Variants in INTS7 observed in about 807,000 individuals in gnomAD.
INTS7 encodes the protein integrator complex subunit 7.
A neutral mutation model predicts 109.2 loss-of-function variants in INTS7; 46 were observed. The observed-to-expected ratio is 0.42, with a 90% CI of 0.33 to 0.54. The LOEUF is 0.54. Ranked by LOEUF, INTS7 falls within the 20% of genes least tolerant of loss-of-function variation. The pLI is 0.07. For synonymous variants in INTS7, 412 were observed against 402.9 expected, an observed-to-expected ratio of 1.02 and a Z score of -0.27; for missense variants, 929 against 1,132.4, an observed-to-expected ratio of 0.82 and a Z score of 2.58.
intron 1 of INTS7, among the ~76,000 whole-genome samples, chr1:212,030,192 A>C (rs1027269063): frequency 1.3e-5 from 2 of 152,212 alleles, no homozygotes; most frequent in African/African-American, 4.8e-5. Context: ...TTTTTGGATT[A>C]GTTCATAGCC....
chr1:211,944,408 G>A lies in INTS7; in HGVS notation c.2601+376C>T, dbSNP rs112307302. Among the ~76,000 whole-genome samples the A allele has an allele frequency of 6.5e-3, 990 of 152,258 alleles. 7 individuals are homozygous for A. The highest frequency in any genetic ancestry group is 0.023 in the African/African-American group (945 of 41,538). The stretch of plus-strand genomic sequence containing the variant: ...TGCTTTGGGCACCTGAGTCCTCTGT[G>A]CCCTGCCATAAATTTTATAGGGGCA... On this transcript the variant is annotated intron_variant, in intron 19 of 19. Coordinates refer to ENST00000366994, the MANE Select transcript of INTS7 (RefSeq NM_015434.4).
At chr1:212,032,319 G>C (rs574935636) in intron 1 of INTS7, among the ~76,000 whole-genome samples, 291 of 152,148 alleles carry the variant, frequency 1.9e-3, no homozygotes, top group African/African-American at 6.5e-3. Flanking sequence ...CCCCACTTCA[G>C]TCTATTCTCA....
rs1250121597 is a variant in INTS7 at position 212,032,279 on chromosome 1, A to C, written c.94+3065T>G. Among the ~76,000 whole-genome samples the C allele has an allele frequency of 2.6e-5, 4 of 152,196 alleles. No individual in the cohort carries two copies. The East Asian group carries it at 7.7e-4, about 29-fold the overall frequency. On this transcript the variant is annotated intron_variant, in intron 1 of 19. Coordinates refer to ENST00000366994, the MANE Select transcript of INTS7 (RefSeq NM_015434.4). ...CCTGGATTGTTATAGTTGCCTTCTC[A>C]TTGGTCTCCCTACTTGGGTCCCTGA...
rs1193168800 is a variant in INTS7 at position 211,976,480 on chromosome 1, C to T, written c.1608+102G>A. The T allele has an allele frequency of 8.5e-6, 9 of 1,062,620 alleles. No individual in the cohort carries two copies. The South Asian group carries it at 1.6e-4, about 19-fold the overall frequency. The allele number at this position is 1,062,620 out of a possible 1,614,324, so 65.8% of individuals were successfully genotyped here. A position where few individuals can be genotyped will look rare whatever the true frequency, so the allele number is the denominator to read the frequency against. On this transcript the variant is annotated intron_variant, in intron 12 of 19. Coordinates refer to ENST00000366994, the MANE Select transcript of INTS7 (RefSeq NM_015434.4). ...AGAACCCATGACTAAAAGGTACTTCCATCTTTATTTTTAGTTTTGACTACA... is the reference window on the plus strand; with the variant it reads ...AGAACCCATGACTAAAAGGTACTTCTATCTTTATTTTTAGTTTTGACTACA...
intron 16 of INTS7, among the ~76,000 whole-genome samples, chr1:211,960,740 G>C (rs555579496): frequency 1.3e-5 from 2 of 152,172 alleles, no homozygotes; most frequent in African/African-American, 2.4e-5. Context: ...CTGAATAAGA[G>C]AGTAAGACAA....
intron 1 of INTS7, among the ~76,000 whole-genome samples, chr1:212,034,653 A>G (rs1380313032): frequency 6.6e-6 from 1 of 152,238 alleles, no homozygotes; most frequent in Non-Finnish European, 1.5e-5. Context: ...CTTCTTTTGC[A>G]TACCATTAAG....
Position 211,940,555 on chromosome 1 carries a change from T to A in INTS7, c.*1269A>T, listed in dbSNP as rs1662585126. 6.6e-6 allele frequency: 1 copy of A among 152,216 alleles called. No homozygotes were observed. The allele number at this position is 152,216 out of a possible 1,614,324, so 9.4% of individuals were successfully genotyped here. On this transcript the variant is annotated 3_prime_UTR_variant, in exon 20 of 20. Transcript: ENST00000366994. Reference sequence around the variant, plus strand: ...GAAATCGTGATCCTGAAGCCCTAAATGATCCCCAATCAAAAAGCAGTTAAG... The same window carrying A: ...GAAATCGTGATCCTGAAGCCCTAAAAGATCCCCAATCAAAAAGCAGTTAAG...
intron 16 of INTS7, among the ~76,000 whole-genome samples, chr1:211,963,828 T>C (rs1448735204): frequency 6.6e-6 from 1 of 151,732 alleles, no homozygotes; most frequent in African/African-American, 2.4e-5. Flanking sequence ...AACTAGGAAT[T>C]GAAGAAACAT....
At chr1:212,016,801 GT>G (rs1666464202) in intron 4 of INTS7, 84 bp downstream of exon 4, 11 of 1,051,434 alleles carry the variant, frequency 1.0e-5, no homozygotes, top group Non-Finnish European at 1.3e-5. Flanking sequence ...ATCTCTCAGT[GT>G]TTATATAAGT....
intron 3 of INTS7, 131 bp from the exon 4 acceptor site, chr1:212,017,154 A>G (rs1666480535): frequency 5.0e-6 from 3 of 603,790 alleles, no homozygotes. Context: ...CAGTTAATAA[A>G]GCATAACTTT....
chr1:211,956,732 T>A (rs1663377873), intron 16 of INTS7, among the ~76,000 whole-genome samples: 1 of 152,222 alleles, frequency 6.6e-6, no homozygotes, highest in African/African-American at 2.4e-5. Flanking sequence ...AGGGCACGCA[T>A]GGTTTCTGTA....
chr1:212,027,883 G>T (rs939171561), intron 1 of INTS7, among the ~76,000 whole-genome samples: 3 of 151,958 alleles, frequency 2.0e-5, no homozygotes, highest in Non-Finnish European at 4.4e-5. Flanking sequence ...CTGGAGTGCA[G>T]TGGCGCAATC....
At position 211,941,583 on chromosome 1, in the gene INTS7, TCTC is replaced by T. The variant is rs1234973535; in HGVS notation, c.*238_*240del. The T allele has an allele frequency of 5.8e-6, 3 of 518,662 alleles. No individual in the cohort carries two copies. The highest frequency in any genetic ancestry group is 3.5e-5 in the East Asian group (1 of 28,854). 32.1% of individuals were successfully genotyped at this position (518,662 alleles called of 1,614,324 possible). Reference sequence around the variant, plus strand: ...ACTGTGTTAGCCAGGATGGTCTTGATCTCCTCGTGAGCCGCCCACCTCAGCCTC... The same window carrying T: ...ACTGTGTTAGCCAGGATGGTCTTGATCTCGTGAGCCGCCCACCTCAGCCTC... On this transcript the variant is annotated 3_prime_UTR_variant, in exon 20 of 20. Coordinates refer to ENST00000366994, the MANE Select transcript of INTS7 (RefSeq NM_015434.4).
intron 5 of INTS7, among the ~76,000 whole-genome samples, chr1:212,011,114 T>A (rs992620467): frequency 6.6e-6 from 1 of 152,166 alleles, no homozygotes; most frequent in African/African-American, 2.4e-5. Context: ...TTTTTCACCA[T>A]AGCACCAGAA....
chr1:211,965,248 T>A (rs559898459), intron 16 of INTS7, among the ~76,000 whole-genome samples: 26 of 150,124 alleles, frequency 1.7e-4, no homozygotes, highest in African/African-American at 6.1e-4. Flanking sequence ...CACAATGAGA[T>A]ACCATCTCAC....
intron 16 of INTS7, among the ~76,000 whole-genome samples, chr1:211,953,047 C>A (rs927619998): frequency 6.6e-5 from 10 of 152,136 alleles, no homozygotes; most frequent in African/African-American, 2.4e-4. Context: ...AGCTCCAAAC[C>A]ATCCATAAAG....
At chr1:211,970,750 AC>A (rs1664133481) in intron 13 of INTS7, among the ~76,000 whole-genome samples, 1 of 152,198 alleles carries the variant, frequency 6.6e-6, no homozygotes, top group Admixed American at 6.5e-5. Context: ...AAGCTTTAGA[AC>A]CTACCAGACA....
chr1:212,023,695 G>C (rs1164580202), intron 1 of INTS7, among the ~76,000 whole-genome samples: 1 of 152,160 alleles, frequency 6.6e-6, no homozygotes, highest in Non-Finnish European at 1.5e-5. Flanking sequence ...TCTGTAGGCT[G>C]TTTACTCTGT....
chr1:211,992,202 C>G (rs1665177734), intron 7 of INTS7, among the ~76,000 whole-genome samples: 1 of 151,954 alleles, frequency 6.6e-6, no homozygotes, highest in Admixed American at 6.6e-5. Flanking sequence ...ACCAAACAGC[C>G]CCAGAAGTTA....
Sources: allele counts gnomAD v4.1 joint callset (sites outside exome capture counted in the v4.1 genomes callset), GRCh38; gene constraint gnomAD v4.1.1; transcripts MANE v1.5; gene names NCBI Gene and HGNC (gene_info 2026-07-23, HGNC 2026-07-21).